The following GALNT15 variants were observed in gnomAD, a reference collection of about 807,000 sequenced individuals.
GALNT15 encodes polypeptide N-acetylgalactosaminyltransferase 15.
A neutral mutation model predicts 66.8 loss-of-function variants in GALNT15; 67 were observed. That is an observed-to-expected ratio of 1.00 (90% CI 0.82 to 1.23). GALNT15 has a LOEUF of 1.23. GALNT15 is among the 50% of genes most tolerant of loss of function. The probability of loss-of-function intolerance (pLI) is 0.00; values close to 1 mark genes in which losing one functional copy is unlikely to be tolerated. For synonymous variants in GALNT15, 313 were observed against 311.5 expected, an observed-to-expected ratio of 1.00 and a Z score of -0.05; for missense variants, 827 against 804.3, an observed-to-expected ratio of 1.03 and a Z score of -0.34.
rs957656983 is a variant in GALNT15, at chr3:16,200,472, A to G, written c.707-147A>G. On this transcript the variant is annotated intron_variant, in intron 2 of 9. Transcript: ENST00000339732. The surrounding 1 kb of genome is among the most constrained non-coding windows in gnomAD (Gnocchi z 4.4). ...TAACCAAGCATCTTACATCTCAGCA[A>G]CAACCACACTGTAGTAATGTTTTCG... 2 of 504,592 alleles carry G rather than the reference A, an allele frequency of 4.0e-6. No homozygotes were observed. The highest frequency in any genetic ancestry group is 4.0e-5 in the African/African-American group (2 of 50,138). 31.3% of individuals were successfully genotyped at this position (504,592 alleles called of 1,614,324 possible). A position where few individuals can be genotyped will look rare whatever the true frequency, so the allele number is the denominator to read the frequency against.
In GALNT15 at chr3:16,198,029, T is replaced by C. The variant is rs1454297220; in HGVS notation, c.706+2103T>C. 2.8e-5 allele frequency among the ~76,000 whole-genome samples: 4 copies of C among 142,960 alleles called. No individual in the cohort carries two copies. The East Asian group carries it at 6.3e-4, about 23-fold the overall frequency. The allele number at this position is 142,960 out of a possible 152,430, so 93.8% of individuals were successfully genotyped here. On this transcript the variant is annotated intron_variant, in intron 2 of 9. Coordinates refer to ENST00000339732, the MANE Select transcript of GALNT15 (RefSeq NM_054110.5). The stretch of plus-strand genomic sequence containing the variant: ...GCCCAAGGAGGGCTTCATAAATTAA[T>C]GTTTGGTGGGAATATCAGTGAAGGA...
downstream of GALNT15, among the ~76,000 whole-genome samples, chr3:16,233,092 A>ATGTTTTTTTTTTT (rs771943641): frequency 1.0e-4 from 5 of 48,072 alleles, no homozygotes; most frequent in African/African-American, 1.8e-4. Flanking sequence ...AGGATAATGC[A>ATGTTTTTTTTTTT]TCTTTTTTTT....
In GALNT15 at chr3:16,194,813, C is replaced by T. The variant is rs535470835; in HGVS notation, c.540-947C>T. ...CATGGACACAGGGAGGGGAGCAACA[C>T]ACACTGGGGCCTGTTGTGGGGGCAT... On this transcript the variant is annotated intron_variant, in intron 1 of 9. Coordinates refer to ENST00000339732, the MANE Select transcript of GALNT15 (RefSeq NM_054110.5). 7.2e-5 allele frequency among the ~76,000 whole-genome samples: 11 copies of T among 152,218 alleles called. No homozygotes were observed. In the South Asian group the frequency reaches 1.7e-3, roughly 23 times the overall value.
downstream of GALNT15, among the ~76,000 whole-genome samples, chr3:16,236,805 G>C (rs1356958221): frequency 6.6e-6 from 1 of 152,050 alleles, no homozygotes; most frequent in African/African-American, 2.4e-5. Context: ...TCTTTCTTTG[G>C]GGGACATAAA....
Position 16,211,227 on chromosome 3 carries a change from G to A in GALNT15, c.1183G>A (p.Glu395Lys), listed in dbSNP as rs535247367. The A allele has an allele frequency of 1.8e-5, 29 of 1,610,782 alleles. No homozygotes were observed. Among genetic ancestry groups the A allele is most frequent in the South Asian group, 7.7e-5 (7 of 90,960 alleles). Residue 395 changes from glutamate (E) to lysine (K), a missense_variant, in exon 5 of 10, where the codon GAA becomes AAA. Coordinates refer to ENST00000339732, the MANE Select transcript of GALNT15 (RefSeq NM_054110.5). The surrounding 1 kb of genome is among the most constrained non-coding windows in gnomAD (Gnocchi z 4.3). ...GTCGCTGCGAGGTGGTGAAAACCTC[G>A]AACTGTCTTTCAAGGTATGTCCTGG... is the stretch of plus-strand genomic sequence containing the variant. ...LMSLRGGENL[E>K]LSFKAWLCGG... is the part of the protein sequence containing the mutation.
intron 1 of GALNT15, among the ~76,000 whole-genome samples, chr3:16,178,529 G>A (rs1313772992): frequency 1.3e-5 from 2 of 152,304 alleles, no homozygotes; most frequent in East Asian, 1.9e-4. Context: ...GCTGGCCCCG[G>A]CTGGTGCGTG....
At chr3:16,207,576 A>G (rs2063771444) in intron 3 of GALNT15, among the ~76,000 whole-genome samples, 1 of 73,058 alleles carries the variant, frequency 1.4e-5, no homozygotes, top group Admixed American at 1.7e-4. Context: ...TTACCGGGAA[A>G]TGAGCAAATA....
In GALNT15 at chr3:16,195,617, T is replaced by G; in HGVS notation, c.540-143T>G. ...CACTATGAGGCGTAACAGGTTCTTT[T>G]TATATGGGAATTTTAAGAGATCCCA... On this transcript the variant is annotated intron_variant, in intron 1 of 9. Coordinates refer to ENST00000339732, the MANE Select transcript of GALNT15 (RefSeq NM_054110.5). The surrounding 1 kb of genome is among the most constrained non-coding windows in gnomAD (Gnocchi z 4.6). 1 of 594,606 alleles carries G rather than the reference T, an allele frequency of 1.7e-6. No individual in the cohort carries two copies. The highest frequency in any genetic ancestry group is 2.8e-6 in the Non-Finnish European group (1 of 352,886). 36.8% of individuals were successfully genotyped at this position (594,606 alleles called of 1,614,324 possible).
the GALNT15 span, among the ~76,000 whole-genome samples, chr3:16,244,955 C>A: frequency 2.7e-4 from 41 of 152,248 alleles, no homozygotes; most frequent in African/African-American, 8.9e-4. Flanking sequence ...CCTCAGATCC[C>A]CTGAGCCCTG....
chr3:16,242,914 G>A, the GALNT15 span, among the ~76,000 whole-genome samples: 1 of 152,180 alleles, frequency 6.6e-6, no homozygotes, highest in Non-Finnish European at 1.5e-5. The surrounding 1 kb of genome is among the most constrained non-coding windows in gnomAD (Gnocchi z 5.6). Context: ...TTATTTGGGA[G>A]GTGATCCCAG....
At position 16,229,392 on chromosome 3, in the gene GALNT15, C is replaced by A. The variant is rs1323338246; in HGVS notation, c.*1892C>A. The A allele has an allele frequency of 2.4e-6, 2 of 824,810 alleles. No individual in the cohort carries two copies. Among genetic ancestry groups the A allele is most frequent in the Non-Finnish European group, 2.9e-6 (2 of 683,740 alleles). 51.1% of individuals were successfully genotyped at this position (824,810 alleles called of 1,614,324 possible). A position where few individuals can be genotyped will look rare whatever the true frequency, so the allele number is the denominator to read the frequency against. ...TGGCCACATTTCAAATGCTCACTACCCACCTGTGGCTAGGGTCTACTTCTA... is the reference window on the plus strand; with the variant it reads ...TGGCCACATTTCAAATGCTCACTACACACCTGTGGCTAGGGTCTACTTCTA... On this transcript the variant is annotated 3_prime_UTR_variant, in exon 10 of 10. Transcript: ENST00000339732.
At chr3:16,247,169 C>T in the GALNT15 span, among the ~76,000 whole-genome samples, 1 of 151,424 alleles carries the variant, frequency 6.6e-6, no homozygotes, top group Middle Eastern at 3.4e-3. Flanking sequence ...AGGATGCTTG[C>T]AGACAAAGTC....
rs144932674 is a variant in GALNT15 at position 16,193,730 on chromosome 3, C to T, written c.540-2030C>T. Among the ~76,000 whole-genome samples, 50 of 152,294 alleles carry T rather than the reference C, an allele frequency of 3.3e-4. No individual in the cohort carries two copies. The East Asian group carries it at 8.9e-3, about 27-fold the overall frequency. On this transcript the variant is annotated intron_variant, in intron 1 of 9. Transcript: ENST00000339732. This position sits in a 1 kb window ranked among gnomAD's most constrained non-coding sequence, Gnocchi z 4.7. ...GCCTCAGCCTGGTTGTCACTCTGCC[C>T]GCAGTTCCACCTCACAGATTCCTTT...
rs1374908412 is a variant in GALNT15 at position 16,193,372 on chromosome 3, T to G, written c.540-2388T>G. ...TCAGCTCCTGACTTTTCTTCCTTAT[T>G]TTTATTTTACCATCATTTTAAGTAT... On this transcript the variant is annotated intron_variant, in intron 1 of 9. Transcript: ENST00000339732. This position sits in a 1 kb window ranked among gnomAD's most constrained non-coding sequence, Gnocchi z 4.7. Among the ~76,000 whole-genome samples the G allele has an allele frequency of 6.6e-6, 1 of 152,240 alleles. No homozygotes were observed. Among genetic ancestry groups the G allele is most frequent in the Non-Finnish European group, 1.5e-5 (1 of 68,042 alleles).
At chr3:16,223,850 G>T (rs559445997) in intron 9 of GALNT15, among the ~76,000 whole-genome samples, 6 of 152,020 alleles carry the variant, frequency 3.9e-5, no homozygotes, top group Non-Finnish European at 5.9e-5. Context: ...GAGCCACTGC[G>T]CCTGGCTACT....
At position 16,229,933 on chromosome 3, in the gene GALNT15, A is replaced by G. The variant is rs919392693; in HGVS notation, c.*2433A>G. Among the ~76,000 whole-genome samples the G allele has an allele frequency of 6.6e-6, 1 of 152,186 alleles. No individual in the cohort carries two copies. The highest frequency in any genetic ancestry group is 2.4e-5 in the African/African-American group (1 of 41,446). On this transcript the variant is annotated 3_prime_UTR_variant, in exon 10 of 10. Transcript: ENST00000339732. The stretch of plus-strand genomic sequence containing the variant: ...CAGACCCTTAATTTAAGTAAAACAG[A>G]TGCCTCCATTTAGTTCTAGAAGGAC...
chr3:16,191,418 C>T lies in GALNT15; in HGVS notation c.540-4342C>T, dbSNP rs2063576398. On this transcript the variant is annotated intron_variant, in intron 1 of 9. Coordinates refer to ENST00000339732, the MANE Select transcript of GALNT15 (RefSeq NM_054110.5). This position sits in a 1 kb window ranked among gnomAD's most constrained non-coding sequence, Gnocchi z 5.2. Reference sequence around the variant, plus strand: ...TCTTGGTGCTTTATAAAGATCATTTCATCTCCACAACAGCAAATCCCAAAA... The same window carrying T: ...TCTTGGTGCTTTATAAAGATCATTTTATCTCCACAACAGCAAATCCCAAAA... The T allele has an allele frequency of 1.2e-6, 1 of 821,712 alleles. No individual in the cohort carries two copies. The highest frequency in any genetic ancestry group is 5.6e-5 in the South Asian group (1 of 17,988). The allele number at this position is 821,712 out of a possible 1,614,324, so 50.9% of individuals were successfully genotyped here.
Position 16,193,568 on chromosome 3 carries a change from A to G in GALNT15, c.540-2192A>G, listed in dbSNP as rs7652770. On this transcript the variant is annotated intron_variant, in intron 1 of 9. Transcript: ENST00000339732. The surrounding 1 kb of genome is among the most constrained non-coding windows in gnomAD (Gnocchi z 4.7). The stretch of plus-strand genomic sequence containing the variant: ...TACCTAGACTCAATTCTCCCTCTCT[A>G]CACAGGATTTTGCCCTGAGAGTCAC... Among the ~76,000 whole-genome samples the G allele has an allele frequency of 0.084, 12,729 of 152,218 alleles. 1,827 individuals carry two copies. Among genetic ancestry groups the G allele is most frequent in the African/African-American group, 0.29 (11,960 of 41,498 alleles).
Position 16,224,729 on chromosome 3 carries a change from C to T in GALNT15, c.1773+1971C>T, listed in dbSNP as rs13093456. 0.13 allele frequency among the ~76,000 whole-genome samples: 19,846 copies of T among 151,160 alleles called. 1,457 individuals are homozygous for T. The highest frequency in any genetic ancestry group is 0.18 in the Middle Eastern group (53 of 294). On this transcript the variant is annotated intron_variant, in intron 9 of 9. Coordinates refer to ENST00000339732, the MANE Select transcript of GALNT15 (RefSeq NM_054110.5). This position sits in a 1 kb window ranked among gnomAD's most constrained non-coding sequence, Gnocchi z 5.2. ...TCGGCTCACTGCAACCTCTGCCTCCCGGGTTCAAGCGATTCTCCTGCCTCA... is the reference window on the plus strand; with the variant it reads ...TCGGCTCACTGCAACCTCTGCCTCCTGGGTTCAAGCGATTCTCCTGCCTCA...
Sources: gnomAD v4.1 joint callset for allele counts (sites outside exome capture counted in the v4.1 genomes callset) on GRCh38, gnomAD v4.1.1 for gene constraint, Gnocchi (gnomAD v3.1) non-coding constraint, MANE v1.5 for transcripts, NCBI Gene and HGNC (gene_info 2026-07-23, HGNC 2026-07-21) for gene names.